AGPAT2: variants seen among roughly 807,000 people sequenced by gnomAD.
AGPAT2 encodes 1-acyl-sn-glycerol-3-phosphate acyltransferase beta.
In AGPAT2, 18 loss-of-function variants were observed where a neutral mutation model predicts 26.1. That is an observed-to-expected ratio of 0.69 (90% CI 0.48 to 1.02). AGPAT2 has a LOEUF of 1.02. Among genes scored for constraint, AGPAT2 ranks in the 50% least tolerant of loss-of-function variants. AGPAT2 has a pLI of 0.00. For missense variants in AGPAT2, 415 were observed against 394.9 expected (o/e 1.05, Z -0.43); for synonymous variants, 200 against 174.2 (o/e 1.15, Z -1.16).
chr9:136,681,678 T>C (rs927767583), intron 1 of AGPAT2, among the ~76,000 whole-genome samples: 9 of 152,094 alleles, frequency 5.9e-5, no homozygotes, highest in African/African-American at 2.2e-4. Flanking sequence ...GGCAGCTGCC[T>C]GTAATCCCAG....
intron 1 of AGPAT2, among the ~76,000 whole-genome samples, chr9:136,685,782 C>G (rs1285452969): frequency 2.0e-5 from 3 of 152,080 alleles, no homozygotes; most frequent in South Asian, 2.1e-4. Context: ...CTGAGGGGGG[C>G]CCCTCACAGA....
chr9:136,676,935 C>T, intron 3 of AGPAT2, 26 bp downstream of exon 3: 1 of 1,610,710 alleles, frequency 6.2e-7, no homozygotes, highest in East Asian at 2.2e-5. Context: ...ACCCCAACCC[C>T]ACCGAGCCCG....
At chr9:136,686,666 C>A (rs1435719799) in intron 1 of AGPAT2, among the ~76,000 whole-genome samples, 3 of 152,152 alleles carry the variant, frequency 2.0e-5, no homozygotes, top group African/African-American at 7.2e-5. Context: ...GAAAGGGGAA[C>A]CCGCCCCACA....
At chr9:136,677,771 G>A (rs930059143) in intron 1 of AGPAT2, among the ~76,000 whole-genome samples, 14 of 152,282 alleles carry the variant, frequency 9.2e-5, no homozygotes, top group African/African-American at 1.9e-4. Flanking sequence ...CGTCTCCCCA[G>A]CAACAGAGGA....
intron 4 of AGPAT2, among the ~76,000 whole-genome samples, chr9:136,675,207 A>G (rs1028838881): frequency 1.3e-5 from 2 of 152,130 alleles, no homozygotes. Flanking sequence ...TGAGGGAGGC[A>G]GCCCTAGCCC....
At chr9:136,676,884 C>G (rs1846096932) in intron 3 of AGPAT2, 77 bp downstream of exon 3, 2 of 1,561,252 alleles carry the variant, frequency 1.3e-6, no homozygotes, top group South Asian at 2.3e-5. Context: ...CTGCCAAAAC[C>G]AAGTCACAAG....
At chr9:136,682,126 C>T (rs551065827) in intron 1 of AGPAT2, among the ~76,000 whole-genome samples, 1 of 152,338 alleles carries the variant, frequency 6.6e-6, no homozygotes, top group South Asian at 2.1e-4. Context: ...CTGAGCCCCC[C>T]TCGGAACCCT....
At chr9:136,685,868 G>A (rs1252315913) in intron 1 of AGPAT2, among the ~76,000 whole-genome samples, 4 of 152,184 alleles carry the variant, frequency 2.6e-5, no homozygotes, top group Non-Finnish European at 4.4e-5. Context: ...GGTGCCCAGA[G>A]CCCAGCCCCC....
At position 136,673,311 on chromosome 9, in the gene AGPAT2, C is replaced by T. The variant is rs533202164; in HGVS notation, c.*441G>A. 6.4e-6 allele frequency: 1 copy of T among 156,960 alleles called. No individual in the cohort carries two copies. The highest frequency in any genetic ancestry group is 6.5e-5 in the Admixed American group (1 of 15,422). The allele number at this position is 156,960 out of a possible 1,614,324, so 9.7% of individuals were successfully genotyped here. A position where few individuals can be genotyped will look rare whatever the true frequency, so the allele number is the denominator to read the frequency against. On this transcript the variant is annotated 3_prime_UTR_variant, in exon 6 of 6. Coordinates refer to ENST00000371696, the MANE Select transcript of AGPAT2 (RefSeq NM_006412.4). ...TCCAGGCCCCTCCTCTCCCAGAGAG[C>T]CTGATGCAGCTTGTGGGCTGGACCC...
intron 1 of AGPAT2, among the ~76,000 whole-genome samples, chr9:136,685,982 C>G (rs114981836): frequency 2.6e-5 from 4 of 152,232 alleles, no homozygotes; most frequent in African/African-American, 9.6e-5. Context: ...GTGCGCTCCC[C>G]GGGACCCCGG....
chr9:136,675,891 G>A (rs758531018), intron 4 of AGPAT2, among the ~76,000 whole-genome samples: 2 of 152,194 alleles, frequency 1.3e-5, no homozygotes, highest in Non-Finnish European at 2.9e-5. Context: ...ACCTTGCACA[G>A]GGCCAGGCAC....
At chr9:136,674,686 T>A (rs766128960) in intron 5 of AGPAT2, 49 bp downstream of exon 5, 1 of 1,324,186 alleles carries the variant, frequency 7.6e-7, no homozygotes, top group Non-Finnish European at 9.9e-7. Flanking sequence ...GCTCCGTGAC[T>A]GTAGGGTCAG....
At chr9:136,680,095 CAT>C (rs1377195063) in intron 1 of AGPAT2, among the ~76,000 whole-genome samples, 8 of 152,236 alleles carry the variant, frequency 5.3e-5, no homozygotes, top group African/African-American at 1.9e-4. Flanking sequence ...CTGTGAAGGA[CAT>C]GTGTATGATT....
chr9:136,674,049 C>A, intron 5 of AGPAT2, 122 bp from the exon 6 acceptor site: 2 of 991,710 alleles, frequency 2.0e-6, no homozygotes, highest in Non-Finnish European at 1.4e-6. Context: ...CGAGGCCGGG[C>A]TCTTCCCCTG....
Position 136,681,008 on chromosome 9 carries a change from T to C in AGPAT2, c.183-3452A>G, listed in dbSNP as rs543433907. On this transcript the variant is annotated intron_variant, in intron 1 of 5. Transcript: ENST00000371696. ...GGTATAACACGCACCACCTAAACAA[T>C]ATAATTGTACCCATTTCTCAGCACA... 2.0e-5 allele frequency among the ~76,000 whole-genome samples: 3 copies of C among 152,188 alleles called. No individual in the cohort carries two copies. The East Asian group carries it at 5.8e-4, about 29-fold the overall frequency.
chr9:136,684,934 G>C (rs756894227), intron 1 of AGPAT2, among the ~76,000 whole-genome samples: 1 of 152,128 alleles, frequency 6.6e-6, no homozygotes, highest in Non-Finnish European at 1.5e-5. Flanking sequence ...GTGACAAAGC[G>C]CCTGCTCTTC....
chr9:136,686,892 G>A (rs536306746), intron 1 of AGPAT2, among the ~76,000 whole-genome samples: 2 of 152,384 alleles, frequency 1.3e-5, no homozygotes, highest in African/African-American at 4.8e-5. Context: ...CCCACGCCGG[G>A]CTGCAGGGAC....
At position 136,684,723 on chromosome 9, in the gene AGPAT2, C is replaced by T. The variant is rs189194518; in HGVS notation, c.182+2453G>A. On this transcript the variant is annotated intron_variant, in intron 1 of 5. Coordinates refer to ENST00000371696, the MANE Select transcript of AGPAT2 (RefSeq NM_006412.4). ...ACTCTGGAGTCACTGTCAGTGGGTT[C>T]GAACCCCAGTTCCACCCCATCCTGG... Among the ~76,000 whole-genome samples, 215 of 152,310 alleles carry T rather than the reference C, an allele frequency of 1.4e-3. 1 individual carries two copies. Among genetic ancestry groups the T allele is most frequent in the African/African-American group, 4.5e-3 (187 of 41,548 alleles).
chr9:136,685,185 T>C (rs1846207448), intron 1 of AGPAT2, among the ~76,000 whole-genome samples: 1 of 152,224 alleles, frequency 6.6e-6, no homozygotes, highest in Non-Finnish European at 1.5e-5. Context: ...CTGCTGTTAG[T>C]AGCCAGTGTC....
Sources: allele counts gnomAD v4.1 joint callset (sites outside exome capture counted in the v4.1 genomes callset), GRCh38; gene constraint gnomAD v4.1.1; transcripts MANE v1.5; gene names NCBI Gene and HGNC (gene_info 2026-07-23, HGNC 2026-07-21).